Variants in MYO5B observed in about 807,000 individuals in gnomAD.
MYO5B encodes unconventional myosin-Vb.
In MYO5B, 143 loss-of-function variants were observed where a neutral mutation model predicts 229.3. The observed-to-expected ratio is 0.62, with a 90% confidence interval of 0.54 to 0.72. The LOEUF (loss-of-function observed/expected upper bound fraction) is 0.72, where lower values mean the gene tolerates loss of function less well. Ranked by LOEUF, MYO5B falls within the 30% of genes least tolerant of loss-of-function variation. The pLI, the probability that MYO5B is intolerant of heterozygous loss-of-function variation, is 0.00. For missense variants in MYO5B, 2,321 were observed against 2,331.0 expected, an observed-to-expected ratio of 1.00 and a Z score of 0.09; for synonymous variants, 918 against 885.2, an observed-to-expected ratio of 1.04 and a Z score of -0.66.
chr18:49,880,150 T>C (rs368975112), intron 23 of MYO5B, among the ~76,000 whole-genome samples: 2 of 152,318 alleles, frequency 1.3e-5, no homozygotes, highest in African/African-American at 4.8e-5. Context: ...CCAAGTCTCA[T>C]GTACAATGTT....
At chr18:50,026,205 T>C (rs1026271666) in intron 4 of MYO5B, among the ~76,000 whole-genome samples, 5 of 152,176 alleles carry the variant, frequency 3.3e-5, no homozygotes, top group Non-Finnish European at 7.3e-5. Context: ...TGATCAGTGG[T>C]GTCTGGCTAG....
chr18:49,878,158 C>G (rs2024547895), intron 24 of MYO5B, among the ~76,000 whole-genome samples: 2 of 152,120 alleles, frequency 1.3e-5, no homozygotes, highest in African/African-American at 4.8e-5. Context: ...CCTTTCCCTC[C>G]CAGTCTTGCT....
chr18:50,097,579 T>TA (rs1244457295), intron 1 of MYO5B: 2 of 234,690 alleles, frequency 8.5e-6, no homozygotes, highest in Non-Finnish European at 1.7e-5. Flanking sequence ...TCTGGTCTGT[T>TA]AAAAATCATC....
rs751394892 is a variant in MYO5B, at chr18:49,902,646, T to C, written c.2759A>G (p.Asn920Ser). The C allele has an allele frequency of 5.0e-6, 8 of 1,613,442 alleles. No homozygotes were observed. The highest frequency in any genetic ancestry group is 4.4e-5 in the South Asian group (4 of 91,078). The change falls in exon 21 of 40, where the codon AAC (asparagine) becomes AGC (serine). Residue 920 changes from asparagine (N) to serine (S), a missense_variant. Coordinates refer to ENST00000285039, the MANE Select transcript of MYO5B (RefSeq NM_001080467.3). ...ARSAEHLKRL[N>S]VGMENKVVQL... Reference sequence around the variant, plus strand: ...GACCACCTTGTTCTCCATGCCCACGTTGAGACGTTTCAGATGCTCTGCTGA... The same window carrying C: ...GACCACCTTGTTCTCCATGCCCACGCTGAGACGTTTCAGATGCTCTGCTGA...
intron 1 of MYO5B, among the ~76,000 whole-genome samples, chr18:50,102,249 T>C (rs1040225719): frequency 3.3e-5 from 5 of 151,834 alleles, no homozygotes; most frequent in Admixed American, 1.3e-4. Flanking sequence ...AGAACTGTTG[T>C]GGGGCGAGGG....
At chr18:50,188,862 A>C (rs1387291891) in intron 1 of MYO5B, among the ~76,000 whole-genome samples, 1 of 151,602 alleles carries the variant, frequency 6.6e-6, no homozygotes, top group African/African-American at 2.4e-5. Flanking sequence ...GAGCCTGCTC[A>C]ATGATTACAG....
chr18:49,906,295 A>C, intron 19 of MYO5B, 124 bp downstream of exon 19: 1 of 943,794 alleles, frequency 1.1e-6, no homozygotes. Context: ...GCCAAGATGC[A>C]GACATGGCCC....
chr18:49,910,051 A>G (rs907855921), intron 18 of MYO5B, among the ~76,000 whole-genome samples: 5 of 152,218 alleles, frequency 3.3e-5, no homozygotes, highest in Admixed American at 1.3e-4. Flanking sequence ...ATGAAGTGCC[A>G]CATGCTAGAC....
chr18:50,117,632 T>C (rs1453929924), intron 1 of MYO5B, among the ~76,000 whole-genome samples: 7 of 149,292 alleles, frequency 4.7e-5, no homozygotes, highest in African/African-American at 1.7e-4. Context: ...AAAAAAAAAG[T>C]GCATTAAGAA....
rs139542376 is a variant in MYO5B, at chr18:49,937,395, G to C, written c.1755C>G (p.Phe585Leu). The C allele has an allele frequency of 1.2e-5, 19 of 1,613,860 alleles. No homozygotes were observed. The highest frequency in any genetic ancestry group is 1.7e-4 in the Middle Eastern group (1 of 6,060). Reference protein sequence around the residue: ...EQINILKASKFPLVADLFHDD... With the variant: ...EQINILKASKLPLVADLFHDD... ...CATGAAACAAGTCAGCCACTAGTGG[G>C]AACTAGAAACAATCACAGGAAGAAT... is the stretch of plus-strand genomic sequence containing the variant. The change falls in exon 15 of 40, where the codon TTC becomes TTG. Residue 585 changes from phenylalanine to leucine, a missense_variant and splice_region_variant. Physicochemically the swap from Phe to Leu is conservative, Grantham distance 22. Coordinates refer to ENST00000285039, the MANE Select transcript of MYO5B (RefSeq NM_001080467.3).
intron 4 of MYO5B, among the ~76,000 whole-genome samples, chr18:50,004,963 C>T (rs541219715): frequency 1.3e-5 from 2 of 152,300 alleles, no homozygotes; most frequent in South Asian, 4.1e-4. Flanking sequence ...TGACTTTGGA[C>T]AAAGTAGTTA....
chr18:50,030,699 C>G (rs1026018666), intron 4 of MYO5B, among the ~76,000 whole-genome samples: 1 of 151,772 alleles, frequency 6.6e-6, no homozygotes, highest in South Asian at 2.1e-4. Context: ...ACCAGCTCCA[C>G]CCTCCACAGG....
At position 49,904,748 on chromosome 18, in the gene MYO5B, T is replaced by C. The variant is rs1375618020; in HGVS notation, c.2495A>G (p.Tyr832Cys). Residue 832 changes from tyrosine to cysteine, a missense_variant, in exon 20 of 40, where the codon TAC becomes TGC. Tyr to Cys is a radical substitution (Grantham distance 194, BLOSUM62 -2). This residue lies in a region of MYO5B where 2,113 missense variants were observed against 2,044.7 expected (regional missense o/e 1.03). Coordinates refer to ENST00000285039, the MANE Select transcript of MYO5B (RefSeq NM_001080467.3). ...HYRMQRARQA[Y>C]QRVRRAAVVI... is the part of the protein sequence containing the mutation. ...AACGGCAGCTCTGCGGACCCTCTGGTAGGCCTGGCGGGCCCTCTGCATGCG... is the reference window on the plus strand; with the variant it reads ...AACGGCAGCTCTGCGGACCCTCTGGCAGGCCTGGCGGGCCCTCTGCATGCG... 6.2e-7 allele frequency: 1 copy of C among 1,613,954 alleles called. No individual in the cohort carries two copies. The highest frequency in any genetic ancestry group is 2.2e-5 in the East Asian group (1 of 44,886).
Position 49,824,963 on chromosome 18 carries a change from T to C in MYO5B, c.*1508A>G, listed in dbSNP as rs1265394340. ...AGGAAGCTGTGCTCTAAGGGCACAG[T>C]GCAGAAGGTAGCGTGGAGTGTGCTG... On this transcript the variant is annotated 3_prime_UTR_variant, in exon 40 of 40. Transcript: ENST00000285039. The C allele has an allele frequency of 6.6e-6, 1 of 152,236 alleles. No individual in the cohort carries two copies. The highest frequency in any genetic ancestry group is 1.5e-5 in the Non-Finnish European group (1 of 68,062). The allele number at this position is 152,236 out of a possible 1,614,324, so 9.4% of individuals were successfully genotyped here.
intron 5 of MYO5B, among the ~76,000 whole-genome samples, chr18:49,993,552 TCA>T (rs2025955203): frequency 6.6e-6 from 1 of 152,090 alleles, no homozygotes; most frequent in Non-Finnish European, 1.5e-5. Flanking sequence ...AACCACCCAC[TCA>T]CAGAAATCTA....
At chr18:49,888,200 G>A (rs2024666943) in intron 22 of MYO5B, among the ~76,000 whole-genome samples, 1 of 152,080 alleles carries the variant, frequency 6.6e-6, no homozygotes, top group African/African-American at 2.4e-5. Flanking sequence ...ACTCTCCTGT[G>A]CATTACTGGG....
chr18:49,900,019 A>G (rs1376775581), intron 21 of MYO5B, among the ~76,000 whole-genome samples: 2 of 152,164 alleles, frequency 1.3e-5, no homozygotes, highest in African/African-American at 2.4e-5. Context: ...TATCCTCTCA[A>G]GTTAACTTTA....
At chr18:49,933,834 T>A (rs951337906) in intron 16 of MYO5B, among the ~76,000 whole-genome samples, 1 of 152,228 alleles carries the variant, frequency 6.6e-6, no homozygotes, top group Non-Finnish European at 1.5e-5. Flanking sequence ...TAAATTTTTA[T>A]ACTCTCATGA....
At chr18:50,064,520 T>C (rs2721088) in intron 1 of MYO5B, 110,428 of 152,142 alleles carry the variant, frequency 0.73, 41,675 homozygotes, top group Middle Eastern at 0.83. Context: ...TACTATCATA[T>C]TAAAAATCTT....
Sources: allele counts gnomAD v4.1 joint callset (sites outside exome capture counted in the v4.1 genomes callset), GRCh38; gene constraint gnomAD v4.1.1; regional missense constraint gnomAD v4.1.1; transcripts MANE v1.5; gene names NCBI Gene and HGNC (gene_info 2026-07-23, HGNC 2026-07-21).